XKR7: variants seen among roughly 807,000 people sequenced by gnomAD.
XKR7 encodes XK related 7.
In XKR7, 11 loss-of-function variants were observed where a neutral mutation model predicts 42.2. That is an observed-to-expected ratio of 0.26 (90% CI 0.16 to 0.43). XKR7 has a LOEUF of 0.43. XKR7 is among the 20% of genes least tolerant of loss of function. The pLI is 1.00. For missense variants in XKR7, 710 were observed against 802.2 expected (o/e 0.89, Z 1.39); for synonymous variants, 346 against 366.4 (o/e 0.94, Z 0.64).
rs1457493681 is a variant in XKR7 at position 31,997,396 on chromosome 20, G to A, written c.1679G>A (p.Arg560Gln). Residue 560 changes from arginine to glutamine, a missense_variant, in exon 3 of 3, where the codon CGG becomes CAG. By Grantham distance (43) the Arg-to-Gln change is conservative. Coordinates refer to ENST00000562532, the MANE Select transcript of XKR7 (RefSeq NM_001011718.2). ...ALEYSSPATP[R>Q]LQYRSVGTSQ... ...GAGTACTCCTCACCTGCCACGCCCCGGTTGCAGTACCGGAGTGTGGGGACT... is the reference window on the plus strand; with the variant it reads ...GAGTACTCCTCACCTGCCACGCCCCAGTTGCAGTACCGGAGTGTGGGGACT... The A allele has an allele frequency of 1.6e-5, 26 of 1,599,864 alleles. No homozygotes were observed. Among genetic ancestry groups the A allele is most frequent in the Non-Finnish European group, 2.0e-5 (24 of 1,179,884 alleles).
chr20:31,973,824 C>G (rs1171965760), intron 1 of XKR7, among the ~76,000 whole-genome samples: 1 of 152,084 alleles, frequency 6.6e-6, no homozygotes, highest in East Asian at 1.9e-4. Flanking sequence ...CACGGGGAGC[C>G]CAGGATAATT....
At chr20:31,971,391 G>T (rs918922291) in intron 1 of XKR7, among the ~76,000 whole-genome samples, 1 of 152,150 alleles carries the variant, frequency 6.6e-6, no homozygotes, top group Admixed American at 6.5e-5. Flanking sequence ...TCTGACTCTG[G>T]GTCTATTGCC....
At chr20:31,980,416 G>A (rs1167609142) in intron 1 of XKR7, among the ~76,000 whole-genome samples, 1 of 152,200 alleles carries the variant, frequency 6.6e-6, no homozygotes, top group African/African-American at 2.4e-5. Context: ...TTGCAGGTGA[G>A]GAGGCTATAT....
Position 31,999,886 on chromosome 20 carries a change from TG to T in XKR7, c.*2433del, listed in dbSNP as rs1020515112. ...TGCCTTCTAGAGGAAAAGTCCTAGC[TG>T]GGGTCCTTTACACTCCAGGAGACTC... On this transcript the variant is annotated 3_prime_UTR_variant, in exon 3 of 3. Coordinates refer to ENST00000562532, the MANE Select transcript of XKR7 (RefSeq NM_001011718.2). The T allele has an allele frequency of 2.6e-5, 4 of 152,254 alleles. No homozygotes were observed. The highest frequency in any genetic ancestry group is 5.9e-5 in the Non-Finnish European group (4 of 68,108). 9.4% of individuals were successfully genotyped at this position (152,254 alleles called of 1,614,324 possible).
In XKR7 at chr20:31,995,031, AGC is replaced by A. The variant is rs1212744609; in HGVS notation, c.585-31_585-30del. On this transcript the variant is annotated intron_variant, in intron 1 of 2. Coordinates refer to ENST00000562532, the MANE Select transcript of XKR7 (RefSeq NM_001011718.2). This position sits in a 1 kb window ranked among gnomAD's most constrained non-coding sequence, Gnocchi z 4.1. ...CTGGTGCGACAGAGCGAGAGGAACC[AGC>A]GCGCGGGAGCCTGAGCACCGCGTCC... The A allele has an allele frequency of 6.5e-7, 1 of 1,538,790 alleles. No individual in the cohort carries two copies. The highest frequency in any genetic ancestry group is 1.4e-5 in the African/African-American group (1 of 72,404).
Position 31,995,374 on chromosome 20 carries a change from C to T in XKR7, c.787+104C>T, listed in dbSNP as rs1457662185. On this transcript the variant is annotated intron_variant, in intron 2 of 2. Coordinates refer to ENST00000562532, the MANE Select transcript of XKR7 (RefSeq NM_001011718.2). This position sits in a 1 kb window ranked among gnomAD's most constrained non-coding sequence, Gnocchi z 4.1. ...CCCTGTGGGCTTCCCCACCCCAGCT[C>T]AGGGCTCACTCAGTCAGGGTTTAGG... is the stretch of plus-strand genomic sequence containing the variant. 4 of 1,507,224 alleles carry T rather than the reference C, an allele frequency of 2.7e-6. No individual in the cohort carries two copies. The East Asian group carries it at 9.9e-5, about 37-fold the overall frequency. The allele number at this position is 1,507,224 out of a possible 1,614,324, so 93.4% of individuals were successfully genotyped here. A position where few individuals can be genotyped will look rare whatever the true frequency, so the allele number is the denominator to read the frequency against.
rs979971001 is a variant in XKR7 at position 31,996,492 on chromosome 20, C to T, written c.788-13C>T. Reference sequence around the variant, plus strand: ...CTAACCCAGCCCACCCCGCCCCTGCCCTGTCTCCACAGCCCTCTCCACCTC... The same window carrying T: ...CTAACCCAGCCCACCCCGCCCCTGCTCTGTCTCCACAGCCCTCTCCACCTC... On this transcript the variant is annotated splice_polypyrimidine_tract_variant and intron_variant, in intron 2 of 2. Transcript: ENST00000562532. The T allele has an allele frequency of 2.2e-6, 3 of 1,371,814 alleles. No homozygotes were observed. Among genetic ancestry groups the T allele is most frequent in the Non-Finnish European group, 2.8e-6 (3 of 1,054,626 alleles). The allele number at this position is 1,371,814 out of a possible 1,614,324, so 85.0% of individuals were successfully genotyped here.
At position 31,997,256 on chromosome 20, in the gene XKR7, C is replaced by T. The variant is rs1255002281; in HGVS notation, c.1539C>T (p.Ala513=). The T allele has an allele frequency of 1.2e-6, 2 of 1,612,096 alleles. No individual in the cohort carries two copies. The highest frequency in any genetic ancestry group is 1.3e-5 in the African/African-American group (1 of 74,944). ...CTGGCTTGCCTCCCACACCAGTGGC[C>T]CGCACCTTGCGGACAGAGGGGCCTG... The part of the protein sequence containing the change: ...VRPGLPPTPV[A]RTLRTEGPVI... The change falls in exon 3 of 3, where the codon GCC becomes GCT. Residue 513 remains alanine (A), a synonymous_variant. Transcript: ENST00000562532.
intron 1 of XKR7, among the ~76,000 whole-genome samples, chr20:31,989,859 CGCCTTGGCCTCCCAAA>C (rs1182063234): frequency 1.9e-4 from 29 of 152,290 alleles, no homozygotes; most frequent in African/African-American, 6.5e-4. Flanking sequence ...GTGATCCTCC[CGCCTTGGCCTCCCAAA>C]ATGTTGGGAT....
At chr20:31,975,336 C>G (rs1217336133) in intron 1 of XKR7, among the ~76,000 whole-genome samples, 1 of 151,814 alleles carries the variant, frequency 6.6e-6, no homozygotes, top group African/African-American at 2.4e-5. Context: ...GCCCCCTGAT[C>G]TTTTGTCTTT....
intron 1 of XKR7, among the ~76,000 whole-genome samples, chr20:31,981,064 C>CAAA (rs1304530509): frequency 0.012 from 1,151 of 94,456 alleles, 28 homozygotes; most frequent in African/African-American, 0.042. Context: ...GACCCTGTCT[C>CAAA]AAAAAAAAAA....
chr20:31,973,844 A>G (rs1243212220), intron 1 of XKR7, among the ~76,000 whole-genome samples: 2 of 152,154 alleles, frequency 1.3e-5, no homozygotes, highest in Non-Finnish European at 2.9e-5. Flanking sequence ...TTGGCCAGAG[A>G]AGGAACATGA....
intron 1 of XKR7, among the ~76,000 whole-genome samples, chr20:31,976,289 C>T (rs114595525): frequency 2.0e-5 from 3 of 152,242 alleles, no homozygotes; most frequent in African/African-American, 7.2e-5. Context: ...AACCACCAAA[C>T]TATACTGTCT....
chr20:31,991,120 T>C (rs1170005815), intron 1 of XKR7, among the ~76,000 whole-genome samples: 1 of 152,176 alleles, frequency 6.6e-6, no homozygotes, highest in Non-Finnish European at 1.5e-5. Context: ...GGTGGGCAGG[T>C]GGCCCGTCAG....
chr20:31,997,601 TC>T lies in XKR7; in HGVS notation c.*145del, dbSNP rs1947323739. On this transcript the variant is annotated 3_prime_UTR_variant, in exon 3 of 3. Transcript: ENST00000562532. ...AGAGTGGCCCCACTCTTGGGTTCTT[TC>T]AGGGGAGGGGGCAGCCTTGCGGAGG... The T allele has an allele frequency of 7.5e-6, 6 of 804,184 alleles. No individual in the cohort carries two copies. The highest frequency in any genetic ancestry group is 1.1e-5 in the Non-Finnish European group (6 of 525,472). The allele number at this position is 804,184 out of a possible 1,614,324, so 49.8% of individuals were successfully genotyped here.
In XKR7 at chr20:31,999,771, G is replaced by A. The variant is rs1361614466; in HGVS notation, c.*2314G>A. Reference sequence around the variant, plus strand: ...GGTATTATCAACCCATCTTACAGACGAGGAAACTGAGGCCCAGAGATGTAG... The same window carrying A: ...GGTATTATCAACCCATCTTACAGACAAGGAAACTGAGGCCCAGAGATGTAG... On this transcript the variant is annotated 3_prime_UTR_variant, in exon 3 of 3. Transcript: ENST00000562532. 1.3e-5 allele frequency: 2 copies of A among 151,924 alleles called. No homozygotes were observed. The highest frequency in any genetic ancestry group is 2.9e-5 in the Non-Finnish European group (2 of 67,976). 9.4% of individuals were successfully genotyped at this position (151,924 alleles called of 1,614,324 possible).
intron 1 of XKR7, among the ~76,000 whole-genome samples, chr20:31,990,618 A>G (rs900846325): frequency 6.6e-6 from 1 of 152,262 alleles, no homozygotes; most frequent in Non-Finnish European, 1.5e-5. Flanking sequence ...TATCAAGCAT[A>G]TTAAAATGCA....
intron 2 of XKR7, among the ~76,000 whole-genome samples, chr20:31,996,139 C>T (rs2064590101): frequency 6.6e-6 from 1 of 151,784 alleles, no homozygotes; most frequent in African/African-American, 2.4e-5. Context: ...CTAATCATGA[C>T]CTCCTCTTCA....
rs551273958 is a variant in XKR7, at chr20:31,972,236, C to A, written c.584+3477C>A. Among the ~76,000 whole-genome samples the A allele has an allele frequency of 5.3e-5, 8 of 152,148 alleles. No individual in the cohort carries two copies. The East Asian group carries it at 9.6e-4, about 18-fold the overall frequency. ...CTCATGTTACTCTGAAACCCTCCCC[C>A]CTGGTGACTATTGATATACCCATTT... On this transcript the variant is annotated intron_variant, in intron 1 of 2. Coordinates refer to ENST00000562532, the MANE Select transcript of XKR7 (RefSeq NM_001011718.2).
Sources: allele counts gnomAD v4.1 joint callset (sites outside exome capture counted in the v4.1 genomes callset), GRCh38; gene constraint gnomAD v4.1.1; non-coding constraint Gnocchi (gnomAD v3.1); transcripts MANE v1.5; gene names NCBI Gene and HGNC (gene_info 2026-07-23, HGNC 2026-07-21).